GPR139: variants seen among roughly 807,000 people sequenced by gnomAD.
The protein encoded by GPR139 is G protein-coupled receptor 139, also known as probable G protein-coupled receptor 139.
GPR139 carries 12 observed loss-of-function variants against 25.8 expected under a neutral mutation model. The observed-to-expected ratio is 0.47, with a 90% CI of 0.30 to 0.75. The LOEUF is 0.75. Ranked by LOEUF, GPR139 falls within the 30% of genes least tolerant of loss-of-function variation. The pLI is 0.07. For synonymous variants in GPR139, 184 were observed against 179.9 expected, an observed-to-expected ratio of 1.02 and a Z score of -0.18; for missense variants, 380 against 450.2, an observed-to-expected ratio of 0.84 and a Z score of 1.41.
In GPR139 at chr16:20,029,977, G is replaced by A. The variant is rs1269691152; in HGVS notation, c.*1758C>T. On this transcript the variant is annotated 3_prime_UTR_variant, in exon 2 of 2. Transcript: ENST00000570682. ...CTTTTGCAAAGGTAACTTTGGCTCT[G>A]TAAGGTTTTATCTTTTGCACTGACT... Among the ~76,000 whole-genome samples, 5 of 152,278 alleles carry A rather than the reference G, an allele frequency of 3.3e-5. No individual in the cohort carries two copies. The East Asian group carries it at 9.7e-4, about 29-fold the overall frequency.
At chr16:20,066,945 C>G (rs780715405) in intron 1 of GPR139, among the ~76,000 whole-genome samples, 3 of 152,174 alleles carry the variant, frequency 2.0e-5, no homozygotes, top group African/African-American at 4.8e-5. Flanking sequence ...GGATTCAAAC[C>G]CAGTCAGTTT....
At chr16:20,071,925 G>T (rs965896863) in intron 1 of GPR139, among the ~76,000 whole-genome samples, 1 of 152,072 alleles carries the variant, frequency 6.6e-6, no homozygotes, top group African/African-American at 2.4e-5. Context: ...GTGGATTGTT[G>T]GGGGGACATT....
At chr16:20,071,686 G>C (rs1218213438) in intron 1 of GPR139, among the ~76,000 whole-genome samples, 5 of 152,168 alleles carry the variant, frequency 3.3e-5, no homozygotes, top group African/African-American at 9.7e-5. Flanking sequence ...GCCCTAGCTG[G>C]CATAGGAGTT....
At chr16:20,043,062 C>A (rs2057342143) in intron 1 of GPR139, among the ~76,000 whole-genome samples, 1 of 152,188 alleles carries the variant, frequency 6.6e-6, no homozygotes, top group Admixed American at 6.5e-5. Flanking sequence ...TAGACCAGAA[C>A]AGTTGAGACC....
intron 1 of GPR139, among the ~76,000 whole-genome samples, chr16:20,069,246 A>G (rs1303031993): frequency 1.3e-5 from 2 of 152,236 alleles, no homozygotes; most frequent in South Asian, 2.1e-4. Context: ...CAGCAACCCT[A>G]TGAACTGTAG....
At position 20,031,291 on chromosome 16, in the gene GPR139, C is replaced by G. The variant is rs1286921440; in HGVS notation, c.*444G>C. 6.6e-6 allele frequency among the ~76,000 whole-genome samples: 1 copy of G among 152,126 alleles called. No individual in the cohort carries two copies. The highest frequency in any genetic ancestry group is 3.2e-3 in the Middle Eastern group (1 of 316). On this transcript the variant is annotated 3_prime_UTR_variant, in exon 2 of 2. Coordinates refer to ENST00000570682, the MANE Select transcript of GPR139 (RefSeq NM_001002911.4). ...AGTCATTATTGTTAGCTCCTGGGAA[C>G]AGCAGAGGGAAGTGATGAATGACCT...
chr16:20,069,125 C>T lies in GPR139; in HGVS notation c.127+4365G>A, dbSNP rs1028961528. Among the ~76,000 whole-genome samples, 4 of 152,104 alleles carry T rather than the reference C, an allele frequency of 2.6e-5. No individual in the cohort carries two copies. The East Asian group carries it at 7.7e-4, about 29-fold the overall frequency. ...TGTCCGGTTTTGATAAAGCTGGCGTCACAAAGTGAGTTGGGATTTTTTCCT... is the reference window on the plus strand; with the variant it reads ...TGTCCGGTTTTGATAAAGCTGGCGTTACAAAGTGAGTTGGGATTTTTTCCT... On this transcript the variant is annotated intron_variant, in intron 1 of 1. Transcript: ENST00000570682.
intron 1 of GPR139, among the ~76,000 whole-genome samples, chr16:20,040,000 G>C (rs1224245256): frequency 6.6e-6 from 1 of 152,126 alleles, no homozygotes; most frequent in Non-Finnish European, 1.5e-5. Flanking sequence ...CTCTTGGTAT[G>C]CTCCTTCTTG....
chr16:20,032,799 G>GTT, intron 1 of GPR139, 130 bp from the exon 2 acceptor site: 2 of 634,836 alleles, frequency 3.2e-6, no homozygotes, highest in Non-Finnish European at 5.5e-6. Context: ...TGCTTTTGAG[G>GTT]GACAACCTCA....
chr16:20,050,686 C>T (rs2057368760), intron 1 of GPR139, among the ~76,000 whole-genome samples: 1 of 152,150 alleles, frequency 6.6e-6, no homozygotes, highest in Admixed American at 6.5e-5. Context: ...AATGGCTTTG[C>T]AGCCCTATTT....
intron 1 of GPR139, among the ~76,000 whole-genome samples, chr16:20,037,203 G>A (rs1453930361): frequency 2.6e-5 from 4 of 152,170 alleles, no homozygotes; most frequent in Admixed American, 6.5e-5. Context: ...TGTAATCCCA[G>A]CACTTTAGGA....
intron 1 of GPR139, among the ~76,000 whole-genome samples, chr16:20,072,568 C>T (rs955937800): frequency 1.3e-5 from 2 of 152,142 alleles, no homozygotes; most frequent in African/African-American, 4.8e-5. Context: ...AAGGAGGGTC[C>T]ACCCAAAGCT....
At chr16:20,041,161 G>A (rs1165556050) in intron 1 of GPR139, among the ~76,000 whole-genome samples, 5 of 182 alleles carry the variant, frequency 0.027, no homozygotes, top group East Asian at 0.1. Context: ...GAGAGGGGAG[G>A]GGAGGGGAGG....
rs1399166045 is a variant in GPR139, at chr16:20,031,842, A to C, written c.955T>G (p.Phe319Val). The C allele has an allele frequency of 6.8e-6, 11 of 1,614,206 alleles. No homozygotes were observed. Among genetic ancestry groups the C allele is most frequent in the Admixed American group, 1.7e-5 (1 of 60,012 alleles). ...ATCCAGGGGCTACTTGTTATGGAAA[A>C]GTTATGATTGGTGTAGAACTGTACA... ...QPVQFYTNHNFSITSSPWISP... is the reference protein window; with the variant it reads ...QPVQFYTNHNVSITSSPWISP... The change falls in exon 2 of 2, where the codon TTT becomes GTT. Residue 319 changes from phenylalanine to valine, a missense_variant. Phe to Val is a conservative substitution (Grantham distance 50). Transcript: ENST00000570682.
chr16:20,065,336 G>A (rs1302961998), intron 1 of GPR139, among the ~76,000 whole-genome samples: 1 of 152,174 alleles, frequency 6.6e-6, no homozygotes, highest in Non-Finnish European at 1.5e-5. Flanking sequence ...GAGTGGCAGT[G>A]GCACTTTGTA....
At position 20,029,563 on chromosome 16, in the gene GPR139, C is replaced by A. The variant is rs1443649664; in HGVS notation, c.*2172G>T. Among the ~76,000 whole-genome samples the A allele has an allele frequency of 6.6e-6, 1 of 151,850 alleles. No homozygotes were observed. Among genetic ancestry groups the A allele is most frequent in the African/African-American group, 2.4e-5 (1 of 41,316 alleles). The stretch of plus-strand genomic sequence containing the variant: ...ATAAGGGGGTGTAGTGGCGTTGCAT[C>A]ACACACACATTTAATGAACACATGT... On this transcript the variant is annotated 3_prime_UTR_variant, in exon 2 of 2. Coordinates refer to ENST00000570682, the MANE Select transcript of GPR139 (RefSeq NM_001002911.4).
chr16:20,050,781 G>C (rs1197365974), intron 1 of GPR139, among the ~76,000 whole-genome samples: 1 of 152,210 alleles, frequency 6.6e-6, no homozygotes, highest in Non-Finnish European at 1.5e-5. Context: ...CTTATTATTT[G>C]CCAAGTGCAG....
intron 1 of GPR139, among the ~76,000 whole-genome samples, chr16:20,038,122 A>G (rs982906147): frequency 6.6e-6 from 1 of 151,866 alleles, no homozygotes; most frequent in African/African-American, 2.4e-5. Context: ...TCAGCCTCCC[A>G]AAGTGCTGGG....
At chr16:20,041,339 C>T (rs1006814756) in intron 1 of GPR139, among the ~76,000 whole-genome samples, 1 of 148,914 alleles carries the variant, frequency 6.7e-6, no homozygotes, top group African/African-American at 2.5e-5. Context: ...AGACTCCTGG[C>T]ATTGTGGACA....
Sources: gnomAD v4.1 joint callset for allele counts (sites outside exome capture counted in the v4.1 genomes callset) on GRCh38, gnomAD v4.1.1 for gene constraint, MANE v1.5 for transcripts, NCBI Gene and HGNC (gene_info 2026-07-23, HGNC 2026-07-21) for gene names.